The following ATP2B2 variants were observed in gnomAD, a reference collection of about 807,000 sequenced individuals.
ATP2B2 encodes ATPase plasma membrane Ca2+ transporting 2.
ATP2B2 carries 15 observed loss-of-function variants against 120.0 expected under a neutral mutation model. The ratio of observed to expected loss-of-function variants is 0.12; its 90% CI spans 0.08 to 0.19. The LOEUF is 0.19. ATP2B2 is among the 10% of genes least tolerant of loss of function. The probability of loss-of-function intolerance (pLI) is 1.00; values close to 1 mark genes in which losing one functional copy is unlikely to be tolerated. For synonymous variants in ATP2B2, 694 were observed against 700.3 expected (o/e 0.99, Z 0.14); for missense variants, 1,045 against 1,719.8 (o/e 0.61, Z 6.94).
At position 10,375,786 on chromosome 3, in the gene ATP2B2, C is replaced by A. The variant is rs901150866; in HGVS notation, c.1202-142G>T. 12 of 741,560 alleles carry A rather than the reference C, an allele frequency of 1.6e-5. No individual in the cohort carries two copies. Among genetic ancestry groups the A allele is most frequent in the Non-Finnish European group, 2.4e-5 (10 of 424,960 alleles). 45.9% of individuals were successfully genotyped at this position (741,560 alleles called of 1,614,324 possible). A position where few individuals can be genotyped will look rare whatever the true frequency, so the allele number is the denominator to read the frequency against. Reference sequence around the variant, plus strand: ...GCTCTGCCACTCCTTGCTTTATGACCTGTGGCAAGTTCTTGAGACCTTGAT... The same window carrying A: ...GCTCTGCCACTCCTTGCTTTATGACATGTGGCAAGTTCTTGAGACCTTGAT... On this transcript the variant is annotated intron_variant, in intron 10 of 22. Transcript: ENST00000360273. The surrounding 1 kb of genome is among the most constrained non-coding windows in gnomAD (Gnocchi z 4.2).
intron 2 of ATP2B2, among the ~76,000 whole-genome samples, chr3:10,544,902 C>G (rs1447322697): frequency 1.3e-5 from 2 of 152,186 alleles, no homozygotes; most frequent in African/African-American, 4.8e-5. Context: ...TCCTGTGTTC[C>G]TTTACTAGGA....
chr3:10,338,130 C>G, intron 22 of ATP2B2, 46 bp downstream of exon 22: 1 of 1,611,092 alleles, frequency 6.2e-7, no homozygotes, highest in South Asian at 1.1e-5. Context: ...CATCCCCTGG[C>G]CCGCCCCGGC....
At chr3:10,417,686 GT>G (rs1179793035) in intron 2 of ATP2B2, among the ~76,000 whole-genome samples, 2 of 152,180 alleles carry the variant, frequency 1.3e-5, no homozygotes, top group Admixed American at 6.5e-5. Context: ...GCCAGACTTT[GT>G]TCTATATGTT....
chr3:10,668,867 A>G (rs1160418976), intron 1 of ATP2B2, among the ~76,000 whole-genome samples: 1 of 152,192 alleles, frequency 6.6e-6, no homozygotes, highest in African/African-American at 2.4e-5. Context: ...AGCATACAGT[A>G]GGCAGCACAC....
intron 2 of ATP2B2, among the ~76,000 whole-genome samples, chr3:10,613,413 C>A (rs1160758816): frequency 6.6e-6 from 1 of 152,132 alleles, no homozygotes; most frequent in Non-Finnish European, 1.5e-5. Context: ...GAACTGCGGG[C>A]AGCTTGGGGA....
intron 1 of ATP2B2, among the ~76,000 whole-genome samples, chr3:10,674,609 C>G (rs564974158): frequency 6.6e-6 from 1 of 152,290 alleles, no homozygotes; most frequent in East Asian, 1.9e-4. Flanking sequence ...TATTTTTTAA[C>G]ATTTTAGTTC....
intron 2 of ATP2B2, among the ~76,000 whole-genome samples, chr3:10,431,764 A>T (rs938207486): frequency 1.1e-4 from 17 of 150,620 alleles, no homozygotes; most frequent in African/African-American, 3.7e-4. Context: ...AAAAAAAAGG[A>T]TTTCCCAGTG....
intron 22 of ATP2B2, among the ~76,000 whole-genome samples, chr3:10,336,993 G>A (rs1391783718): frequency 6.6e-6 from 1 of 152,196 alleles, no homozygotes; most frequent in Non-Finnish European, 1.5e-5. Context: ...CCAGGAGGTG[G>A]GGGCAGGCTG....
chr3:10,465,564 T>C (rs1299952269), intron 1 of ATP2B2, among the ~76,000 whole-genome samples: 1 of 152,078 alleles, frequency 6.6e-6, no homozygotes, highest in Non-Finnish European at 1.5e-5. Context: ...TCTAGGAGAG[T>C]TTAGGTTTTG....
At chr3:10,473,705 T>C (rs905275490) in intron 1 of ATP2B2, among the ~76,000 whole-genome samples, 1 of 152,176 alleles carries the variant, frequency 6.6e-6, no homozygotes, top group African/African-American at 2.4e-5. Context: ...CAGGGGGATG[T>C]GCAAAGAGCT....
chr3:10,616,719 A>G (rs2069398809), intron 2 of ATP2B2, among the ~76,000 whole-genome samples: 1 of 151,990 alleles, frequency 6.6e-6, no homozygotes, highest in African/African-American at 2.4e-5. Flanking sequence ...GGGGCAGAGG[A>G]TTTTTTCTTA....
At chr3:10,599,812 G>T (rs942399545) in intron 2 of ATP2B2, among the ~76,000 whole-genome samples, 1 of 113,490 alleles carries the variant, frequency 8.8e-6, no homozygotes, top group East Asian at 3.1e-4. Context: ...GGGGGTGGGG[G>T]GTGGGGCGGC....
chr3:10,422,015 T>C (rs1195477653), intron 2 of ATP2B2, among the ~76,000 whole-genome samples: 1 of 152,256 alleles, frequency 6.6e-6, no homozygotes, highest in Non-Finnish European at 1.5e-5. Flanking sequence ...ATCTCTCCTG[T>C]GCTGGGTTTT....
intron 2 of ATP2B2, among the ~76,000 whole-genome samples, chr3:10,611,398 G>T (rs1188303130): frequency 6.6e-6 from 1 of 152,154 alleles, no homozygotes; most frequent in African/African-American, 2.4e-5. Context: ...GAAAGTATTG[G>T]CAAAGGTCAG....
chr3:10,510,212 C>A (rs2066733161), upstream of ATP2B2, among the ~76,000 whole-genome samples: 1 of 152,330 alleles, frequency 6.6e-6, no homozygotes, highest in South Asian at 2.1e-4. Flanking sequence ...GTAGGCCTGG[C>A]TTCTGGCGAA....
intron 2 of ATP2B2, among the ~76,000 whole-genome samples, chr3:10,419,701 A>G (rs981536693): frequency 1.3e-5 from 2 of 152,232 alleles, no homozygotes; most frequent in Non-Finnish European, 2.9e-5. Flanking sequence ...TTGAGCACCC[A>G]TTATGCAGAT....
intron 1 of ATP2B2, among the ~76,000 whole-genome samples, chr3:10,489,005 T>C (rs1162996178): frequency 6.6e-6 from 1 of 152,172 alleles, no homozygotes; most frequent in East Asian, 1.9e-4. Context: ...ATTCATCTCC[T>C]ACCCCTGCCT....
At chr3:10,424,111 G>A (rs1000645259) in intron 2 of ATP2B2, among the ~76,000 whole-genome samples, 6 of 152,182 alleles carry the variant, frequency 3.9e-5, no homozygotes, top group African/African-American at 9.7e-5. Context: ...CAGACAGGCC[G>A]GCAAGAAATG....
intron 8 of ATP2B2, among the ~76,000 whole-genome samples, chr3:10,381,948 G>A (rs1016162905): frequency 2.0e-5 from 3 of 146,646 alleles, no homozygotes; most frequent in Non-Finnish European, 3.0e-5. Flanking sequence ...TCTCTTCCCT[G>A]TGCCTCCATT....
Sources: gnomAD v4.1 joint callset for allele counts (sites outside exome capture counted in the v4.1 genomes callset) on GRCh38, gnomAD v4.1.1 for gene constraint, Gnocchi (gnomAD v3.1) non-coding constraint, MANE v1.5 for transcripts, NCBI Gene and HGNC (gene_info 2026-07-23, HGNC 2026-07-21) for gene names.